The following CD177 variants were observed in gnomAD, a reference collection of about 807,000 sequenced individuals.
The protein encoded by CD177 is CD177 antigen.
CD177 carries 41 observed loss-of-function variants against 38.1 expected under a neutral mutation model. That is an observed-to-expected ratio of 1.07 (90% confidence interval 0.84 to 1.39). The LOEUF (loss-of-function observed/expected upper bound fraction) is 1.39, where lower values mean the gene tolerates loss of function less well. Ranked by LOEUF, CD177 falls within the 40% of genes most tolerant of loss-of-function variation. The probability of loss-of-function intolerance (pLI) is 0.00; values close to 1 mark genes in which losing one functional copy is unlikely to be tolerated. For synonymous variants in CD177, 236 were observed against 216.7 expected, an observed-to-expected ratio of 1.09 and a Z score of -0.78; for missense variants, 619 against 523.8, an observed-to-expected ratio of 1.18 and a Z score of -1.77.
At chr19:43,355,088 C>A (rs1969904777) in intron 3 of CD177, among the ~76,000 whole-genome samples, 1 of 124,526 alleles carries the variant, frequency 8.0e-6, no homozygotes, top group African/African-American at 3.1e-5. Context: ...ACCCAAGACA[C>A]CCCCCCTTTT....
chr19:43,360,323 A>G lies in CD177; in HGVS notation c.678A>G (p.Glu226=). The G allele has an allele frequency of 6.2e-7, 1 of 1,613,062 alleles. No individual in the cohort carries two copies. The highest frequency in any genetic ancestry group is 8.5e-7 in the Non-Finnish European group (1 of 1,179,572). The stretch of plus-strand genomic sequence containing the variant: ...TGACACACGGAAACTTGGCTCAAGA[A>G]CCCACTGATTGGACCACATCGAATA... The part of the protein sequence containing the change: ...TIMTHGNLAQ[E]PTDWTTSNTE... The change falls in exon 6 of 9, where the codon GAA becomes GAG. Residue 226 remains glutamate, a synonymous_variant. Coordinates refer to ENST00000618265, the MANE Select transcript of CD177 (RefSeq NM_020406.4).
At chr19:43,364,090 A>T (rs1389085006), downstream of CD177, among the ~76,000 whole-genome samples, 2 of 152,188 alleles carry the variant, frequency 1.3e-5, no homozygotes, top group Non-Finnish European at 2.9e-5. Flanking sequence ...TCAAGGGGGA[A>T]AAATAAATCA....
intron 3 of CD177, 190 bp from the exon 4 acceptor site, chr19:43,355,471 C>T (rs1245418563): frequency 1.4e-5 from 9 of 650,158 alleles, no homozygotes; most frequent in South Asian, 3.0e-5. Context: ...TTCATTCTCC[C>T]TTCCTCTTTT....
downstream of CD177, among the ~76,000 whole-genome samples, chr19:43,363,767 T>C (rs527762300): frequency 2.0e-3 from 299 of 152,172 alleles, 2 homozygotes; most frequent in Admixed American, 7.7e-3. Context: ...CCCCTCGGCA[T>C]CCACCCTTTC....
In CD177 at chr19:43,354,285, TG is replaced by T; in HGVS notation, c.275del (p.Gly92AlafsTer6). 2 of 1,613,926 alleles carry T rather than the reference TG, an allele frequency of 1.2e-6. No homozygotes were observed. Among genetic ancestry groups the T allele is most frequent in the Non-Finnish European group, 1.7e-6 (2 of 1,179,880 alleles). Reference protein sequence around the residue: ...DQEPRVTEHRMGPGLSLISYT... With the variant: ...DQEPRVTEHRXGPGLSLISYT... ...GAGCCCCGCGTCACTGAGCACCGGA[TG>T]GGCCCCGGCCTCTCCCTGATCTCCT... is the stretch of plus-strand genomic sequence containing the variant. On this transcript the variant is annotated frameshift_variant, in exon 3 of 9. Coordinates refer to ENST00000618265, the MANE Select transcript of CD177 (RefSeq NM_020406.4). LOFTEE classifies it high-confidence loss of function.
Position 43,354,349 on chromosome 19 carries a change from C to G in CD177, c.336C>G (p.Asn112Lys). ...GCCGCCAGGAGGACTTCTGCAACAACCTCGTTAACTCCCTCCCGCTTTGGG... is the reference window on the plus strand; with the variant it reads ...GCCGCCAGGAGGACTTCTGCAACAAGCTCGTTAACTCCCTCCCGCTTTGGG... ...FVCRQEDFCN[N>K]LVNSLPLWAP... Residue 112 changes from asparagine (N) to lysine (K), a missense_variant, in exon 3 of 9, where the codon AAC (asparagine) becomes AAG (lysine). Asn to Lys is a moderately conservative substitution (Grantham distance 94). Coordinates refer to ENST00000618265, the MANE Select transcript of CD177 (RefSeq NM_020406.4). 1 of 1,613,984 alleles carries G rather than the reference C, an allele frequency of 6.2e-7. No homozygotes were observed. Among genetic ancestry groups the G allele is most frequent in the Non-Finnish European group, 8.5e-7 (1 of 1,179,886 alleles).
At chr19:43,355,601 G>A (rs768932319) in intron 3 of CD177, 60 bp from the exon 4 acceptor site, 2 of 1,605,800 alleles carry the variant, frequency 1.2e-6, no homozygotes, top group Non-Finnish European at 1.7e-6. Flanking sequence ...TGCAGAGAAG[G>A]TATCTGATCA....
Position 43,361,502 on chromosome 19 carries a change from G to C in CD177, c.1004G>C (p.Cys335Ser). 1.3e-6 allele frequency: 2 copies of C among 1,588,842 alleles called. No individual in the cohort carries two copies. The change falls in exon 8 of 9, where the codon TGT becomes TCT. Residue 335 changes from cysteine to serine, a missense_variant. Physicochemically the swap from Cys to Ser is moderately radical, Grantham distance 112. Transcript: ENST00000618265. ...CPTCVQPLGT[C>S]SSGSPRMTCP... is the part of the protein sequence containing the mutation. Reference sequence around the variant, plus strand: ...ACCTGTGTGCAGCCCCTTGGAACCTGTTCAAGTGGCTCCCCCCGAATGACC... The same window carrying C: ...ACCTGTGTGCAGCCCCTTGGAACCTCTTCAAGTGGCTCCCCCCGAATGACC...
rs1452661925 is a variant in CD177, at chr19:43,363,003, A to G, written c.*683A>G. 6.6e-6 allele frequency: 1 copy of G among 152,236 alleles called. No individual in the cohort carries two copies. Among genetic ancestry groups the G allele is most frequent in the Non-Finnish European group, 1.5e-5 (1 of 68,050 alleles). 9.4% of individuals were successfully genotyped at this position (152,236 alleles called of 1,614,324 possible). A position where few individuals can be genotyped will look rare whatever the true frequency, so the allele number is the denominator to read the frequency against. ...CAACCCAGATGGTACAGCCCAATACACACCCAGGATGGACGCTAGAGTCGA... is the reference window on the plus strand; with the variant it reads ...CAACCCAGATGGTACAGCCCAATACGCACCCAGGATGGACGCTAGAGTCGA... On this transcript the variant is annotated 3_prime_UTR_variant, in exon 9 of 9. Transcript: ENST00000618265.
intron 8 of CD177, among the ~76,000 whole-genome samples, 178 bp from the exon 9 acceptor site, chr19:43,361,910 G>A (rs962564952): frequency 2.0e-5 from 3 of 147,574 alleles, no homozygotes; most frequent in African/African-American, 7.4e-5. Flanking sequence ...CTGGGGGCCT[G>A]GACTCCTGGG....
In CD177 at chr19:43,353,704, A is replaced by G; in HGVS notation, c.-11A>G. On this transcript the variant is annotated 5_prime_UTR_variant, in exon 1 of 9. Transcript: ENST00000618265. ...AAAAAGCAGAAAGAGATTACCAGCC[A>G]CAGACGGGTCATGAGCGCGGTATTA... The G allele has an allele frequency of 6.2e-7, 1 of 1,613,860 alleles. No homozygotes were observed. Among genetic ancestry groups the G allele is most frequent in the South Asian group, 1.1e-5 (1 of 91,086 alleles).
At chr19:43,360,972 C>A (rs1002216282) in intron 6 of CD177, 171 bp from the exon 7 acceptor site, 6 of 614,910 alleles carry the variant, frequency 9.8e-6, no homozygotes, top group Non-Finnish European at 1.8e-5. Flanking sequence ...CGGGCAGGAC[C>A]CAGGCCCCAG....
At chr19:43,360,581 C>T in intron 6 of CD177, 176 bp downstream of exon 6, 3 of 658,934 alleles carry the variant, frequency 4.6e-6, no homozygotes, top group Non-Finnish European at 7.6e-6. Context: ...GGGGGTGAAG[C>T]AGTGGGAATG....
At chr19:43,365,735 T>C (rs568237425), downstream of CD177, among the ~76,000 whole-genome samples, 125 of 150,202 alleles carry the variant, frequency 8.3e-4, no homozygotes, top group African/African-American at 3.0e-3. Flanking sequence ...TGAGGACCCA[T>C]CCATAAGCCT....
rs774255895 is a variant in CD177, at chr19:43,355,673, T to A, written c.392T>A (p.Leu131Ter). The A allele has an allele frequency of 5.0e-6, 8 of 1,612,228 alleles. No homozygotes were observed. The highest frequency in any genetic ancestry group is 2.2e-5 in the East Asian group (1 of 44,822). The change falls in exon 4 of 9, where the codon TTG (leucine) becomes TAG (stop). Residue 131 changes from leucine to a stop codon, truncating the protein, a stop_gained. Transcript: ENST00000618265. LOFTEE classifies it high-confidence loss of function. ...APQPPADPGS[L>*]RCPVCLSMEG... The stretch of plus-strand genomic sequence containing the variant: ...GTCACTTTCCTAGACCCAGGATCCT[T>A]GAGGTGCCCAGTCTGCTTGTCTATG...
chr19:43,361,243 G>C lies in CD177; in HGVS notation c.861G>C (p.Val287=). ...TIHSAPPGVL[V]ASYTHFCSSD... ...ACTCAGCCCCTCCTGGGGTGCTTGT[G>C]GCCTCCTATACCCACTTCTGCTCCT... Residue 287 remains valine (V), a synonymous_variant, in exon 7 of 9, where the codon GTG becomes GTC. Transcript: ENST00000618265. The C allele has an allele frequency of 6.5e-7, 1 of 1,531,892 alleles. No homozygotes were observed. Among genetic ancestry groups the C allele is most frequent in the Non-Finnish European group, 9.0e-7 (1 of 1,110,030 alleles). 94.9% of individuals were successfully genotyped at this position (1,531,892 alleles called of 1,614,324 possible).
Position 43,361,172 on chromosome 19 carries a change from G to A in CD177, c.790G>A (p.Gly264Ser), listed in dbSNP as rs200145410. Residue 264 changes from glycine (G) to serine (S), a missense_variant, in exon 7 of 9, where the codon GGC becomes AGC. Transcript: ENST00000618265. The part of the protein sequence containing the change: ...GLTSTLVGTK[G>S]CSTVGAQNSQ... Reference sequence around the variant, plus strand: ...CACATCAACCCTGGTGGGGACAAAAGGCTGCAGCACTGTTGGGGCTCAAAA... The same window carrying A: ...CACATCAACCCTGGTGGGGACAAAAAGCTGCAGCACTGTTGGGGCTCAAAA... The A allele has an allele frequency of 1.9e-6, 3 of 1,543,454 alleles. 1 individual carries two copies. Among genetic ancestry groups the A allele is most frequent in the Middle Eastern group, 3.4e-4 (2 of 5,938 alleles).
rs1481419318 is a variant in CD177, at chr19:43,360,208, G to A, written c.620-57G>A. ...ATCACCTTCCCTAGCCCAGGACGTGGAGGGACAGACATGGTGGGTTCCTGG... is the reference window on the plus strand; with the variant it reads ...ATCACCTTCCCTAGCCCAGGACGTGAAGGGACAGACATGGTGGGTTCCTGG... On this transcript the variant is annotated intron_variant, in intron 5 of 8. Coordinates refer to ENST00000618265, the MANE Select transcript of CD177 (RefSeq NM_020406.4). 5 of 1,588,922 alleles carry A rather than the reference G, an allele frequency of 3.1e-6. No individual in the cohort carries two copies. The East Asian group carries it at 9.0e-5, about 29-fold the overall frequency.
rs1969886363 is a variant in CD177 at position 43,354,234 on chromosome 19, A to G, written c.221A>G (p.Lys74Arg). The G allele has an allele frequency of 6.2e-7, 1 of 1,613,510 alleles. No homozygotes were observed. Among genetic ancestry groups the G allele is most frequent in the Non-Finnish European group, 8.5e-7 (1 of 1,179,742 alleles). Residue 74 changes from lysine (K) to arginine (R), a missense_variant, in exon 3 of 9, where the codon AAG (lysine) becomes AGG (arginine). By Grantham distance (26) the Lys-to-Arg change is conservative. Transcript: ENST00000618265. ...SGPQVSLVLSKGCTEAKDQEP... is the reference protein window; with the variant it reads ...SGPQVSLVLSRGCTEAKDQEP... ...CCCCAAGTGAGCCTGGTGCTCTCCA[A>G]GGGCTGCACGGAGGCCAAGGACCAG...
Sources: gnomAD v4.1 joint callset for allele counts (sites outside exome capture counted in the v4.1 genomes callset) on GRCh38, gnomAD v4.1.1 for gene constraint, MANE v1.5 for transcripts, NCBI Gene and HGNC (gene_info 2026-07-23, HGNC 2026-07-21) for gene names.